The following DMD variants were observed in gnomAD, a reference collection of about 807,000 sequenced individuals.
The protein encoded by DMD is dystrophin.
In DMD, 63 loss-of-function variants were observed where a neutral mutation model predicts 330.1. The ratio of observed to expected loss-of-function variants is 0.19; its 90% confidence interval spans 0.16 to 0.24. The LOEUF (loss-of-function observed/expected upper bound fraction) is 0.24, where lower values mean the gene tolerates loss of function less well. DMD is among the 10% of genes least tolerant of loss of function. DMD has a pLI of 1.00. For missense variants in DMD, 3,344 were observed against 2,684.1 expected (o/e 1.25, Z -5.43); for synonymous variants, 1,223 against 959.8 (o/e 1.27, Z -5.07).
chrX:32,143,394 A>C (rs1291089810), intron 44 of DMD, among the ~76,000 whole-genome samples: 1 of 111,698 alleles, frequency 9.0e-6, no homozygotes, highest in Non-Finnish European at 1.9e-5. Context: ...ACCCTCATGA[A>C]GCAGGCAGTA....
At chrX:31,645,714 T>C (rs1337947441) in intron 54 of DMD, among the ~76,000 whole-genome samples, 1 of 112,000 alleles carries the variant, frequency 8.9e-6, no homozygotes, top group Admixed American at 9.5e-5. Context: ...TGTATAAGAT[T>C]CTTGAGAAAT....
At chrX:31,455,961 G>A (rs996787541) in intron 59 of DMD, among the ~76,000 whole-genome samples, 2 of 111,478 alleles carry the variant, frequency 1.8e-5, no homozygotes, top group African/African-American at 6.5e-5. Context: ...CATAGGACCG[G>A]GGATCTCTTC....
intron 60 of DMD, among the ~76,000 whole-genome samples, chrX:31,420,490 T>C (rs772988907): frequency 6.7e-4 from 76 of 112,680 alleles, no homozygotes; most frequent in Non-Finnish European, 9.4e-4. Flanking sequence ...AAGTAGGAAG[T>C]TGATGCAAAG....
rs190599351 is a variant in DMD at position 31,255,206 on chromosome X, T to C, written c.9286+5749A>G. On this transcript the variant is annotated intron_variant, in intron 63 of 78. Coordinates refer to ENST00000357033, the MANE Select transcript of DMD (RefSeq NM_004006.3). ...AAAGGACAGGCTTTTAACCACATAA[T>C]TGCACTTCATGTAAATCAATATTAT... Among the ~76,000 whole-genome samples the C allele has an allele frequency of 8.1e-5, 9 of 111,441 alleles. No homozygotes were observed. The East Asian group carries it at 1.1e-3, about 14-fold the overall frequency.
chrX:32,892,643 C>T lies in DMD; in HGVS notation c.94-42823G>A, dbSNP rs746948284. On this transcript the variant is annotated intron_variant, in intron 2 of 78. Coordinates refer to ENST00000357033, the MANE Select transcript of DMD (RefSeq NM_004006.3). Reference sequence around the variant, plus strand: ...GATCTCTTAGACCTCGTGATCCACCCGCCTCAGCCTCCCGAAGTGCTGGGA... The same window carrying T: ...GATCTCTTAGACCTCGTGATCCACCTGCCTCAGCCTCCCGAAGTGCTGGGA... Among the ~76,000 whole-genome samples the T allele has an allele frequency of 1.1e-4, 12 of 111,834 alleles. No homozygotes were observed. In the East Asian group the frequency reaches 1.7e-3, roughly 16 times the overall value.
chrX:32,984,591 G>T (rs2092796258), intron 2 of DMD, among the ~76,000 whole-genome samples: 2 of 111,889 alleles, frequency 1.8e-5, no homozygotes, highest in Admixed American at 1.9e-4. Context: ...TATAAAAAGG[G>T]AAGTAAAAAT....
chrX:32,816,344 T>C, intron 6 of DMD, 124 bp downstream of exon 6: 1 of 713,869 alleles, frequency 1.4e-6, no homozygotes, highest in Admixed American at 2.5e-5. Flanking sequence ...TAGATCAATG[T>C]GGTCAATGTA....
intron 49 of DMD, among the ~76,000 whole-genome samples, chrX:31,835,677 C>G (rs972852705): frequency 2.7e-5 from 3 of 111,589 alleles, no homozygotes; most frequent in Non-Finnish European, 1.9e-5. Context: ...CTCTTGTAAG[C>G]TGTAAGGAAA....
At chrX:31,314,740 C>CACAGAG (rs1279483584) in intron 62 of DMD, among the ~76,000 whole-genome samples, 1 of 12,464 alleles carries the variant, frequency 8.0e-5, no homozygotes, top group African/African-American at 4.1e-4. Flanking sequence ...AGAATACATA[C>CACAGAG]ACAGAGAGAG....
intron 63 of DMD, among the ~76,000 whole-genome samples, chrX:31,241,679 C>G (rs2048308133): frequency 9.0e-6 from 1 of 110,991 alleles, no homozygotes; most frequent in Non-Finnish European, 1.9e-5. Context: ...TAAGAAAAAC[C>G]TCTGGAGTCA....
At chrX:32,451,363 G>A (rs2098329234) in intron 26 of DMD, among the ~76,000 whole-genome samples, 2 of 109,812 alleles carry the variant, frequency 1.8e-5, no homozygotes, top group Admixed American at 1.9e-4. Flanking sequence ...TGTAAGTTCT[G>A]GTAAGCACTA....
At chrX:32,730,075 C>T (rs1314606592) in intron 7 of DMD, among the ~76,000 whole-genome samples, 2 of 112,074 alleles carry the variant, frequency 1.8e-5, no homozygotes, top group African/African-American at 6.5e-5. Context: ...GTTCACATTC[C>T]TAATCTCAGC....
chrX:32,195,879 T>C (rs2096997437), intron 44 of DMD, among the ~76,000 whole-genome samples: 1 of 111,943 alleles, frequency 8.9e-6, no homozygotes, highest in Admixed American at 9.5e-5. Flanking sequence ...CCATACTTGC[T>C]GGAAATAGAG....
intron 44 of DMD, among the ~76,000 whole-genome samples, chrX:32,178,974 CT>C (rs1569549029): frequency 3.8e-5 from 4 of 106,665 alleles, no homozygotes; most frequent in Admixed American, 1.0e-4. Flanking sequence ...CTCTCTCTCT[CT>C]CTCTCTCCCT....
intron 50 of DMD, among the ~76,000 whole-genome samples, chrX:31,799,101 C>T (rs1385165715): frequency 9.0e-6 from 1 of 111,705 alleles, no homozygotes; most frequent in South Asian, 3.7e-4. Flanking sequence ...GAGTCTTGCT[C>T]GTAATTATCT....
intron 17 of DMD, among the ~76,000 whole-genome samples, chrX:32,531,270 T>C (rs1336826013): frequency 8.9e-6 from 1 of 111,824 alleles, no homozygotes; most frequent in East Asian, 2.8e-4. Flanking sequence ...TGAGAAAATA[T>C]GTCCACAGTT....
At chrX:32,490,287 T>C (rs1049526389) in intron 20 of DMD, among the ~76,000 whole-genome samples, 4 of 111,989 alleles carry the variant, frequency 3.6e-5, no homozygotes, top group African/African-American at 9.7e-5. Context: ...CAGTTTCTCA[T>C]TCCCCGCGAA....
chrX:31,571,254 GGTGTGTGTGTGT>G (rs371098859), intron 55 of DMD, among the ~76,000 whole-genome samples: 13,603 of 90,251 alleles, frequency 0.15, 824 homozygotes, highest in Middle Eastern at 0.25. Context: ...GATTTAAAGG[GGTGTGTGTGTGT>G]GTGTGTGTGT....
Position 32,129,052 on chromosome X carries a change from C to T in DMD, c.6438+87864G>A, listed in dbSNP as rs190502451. On this transcript the variant is annotated intron_variant, in intron 44 of 78. Transcript: ENST00000357033. The stretch of plus-strand genomic sequence containing the variant: ...AAAAATTAAATACCAAGGACAGTTA[C>T]AGTTTGCTCTAGATACCTAGAGGAA... Among the ~76,000 whole-genome samples the T allele has an allele frequency of 4.8e-3, 532 of 111,723 alleles. 1 individual carries two copies. The highest frequency in any genetic ancestry group is 7.4e-3 in the Non-Finnish European group (390 of 53,043).
Sources: gnomAD v4.1 joint callset for allele counts (sites outside exome capture counted in the v4.1 genomes callset) on GRCh38, gnomAD v4.1.1 for gene constraint, MANE v1.5 for transcripts, NCBI Gene and HGNC (gene_info 2026-07-23, HGNC 2026-07-21) for gene names.